The following MID1 variants were observed in gnomAD, a reference collection of about 807,000 sequenced individuals.
The protein encoded by MID1 is E3 ubiquitin-protein ligase Midline-1.
Under a neutral mutation model 40.4 loss-of-function variants are expected in MID1, and 7 were observed. The observed-to-expected ratio is 0.17, with a 90% CI of 0.10 to 0.33. MID1 has a LOEUF of 0.33. Ranked by LOEUF, MID1 falls within the 10% of genes least tolerant of loss-of-function variation. The pLI is 1.00. For synonymous variants in MID1, 229 were observed against 221.2 expected (o/e 1.04, Z -0.31); for missense variants, 367 against 558.5 (o/e 0.66, Z 3.46).
At chrX:10,516,624 G>C (rs1333474002) in intron 3 of MID1, among the ~76,000 whole-genome samples, 1 of 105,117 alleles carries the variant, frequency 9.5e-6, no homozygotes, top group African/African-American at 3.6e-5. Flanking sequence ...GCGCGCACGC[G>C]TGTGTTTTAA....
At chrX:10,632,132 G>A (rs1329615245) in intron 1 of MID1, among the ~76,000 whole-genome samples, 1 of 111,897 alleles carries the variant, frequency 8.9e-6, no homozygotes, top group Non-Finnish European at 1.9e-5. Context: ...TTTAGGGCAT[G>A]TTTTCAGATG....
At chrX:10,472,979 T>G (rs2147284953) in intron 6 of MID1, among the ~76,000 whole-genome samples, 1 of 112,365 alleles carries the variant, frequency 8.9e-6, no homozygotes, top group Non-Finnish European at 1.9e-5. Flanking sequence ...CATTCGCAAA[T>G]GATATAAGAA....
chrX:10,779,587 G>C (rs906102451), intron 1 of MID1, among the ~76,000 whole-genome samples: 1 of 112,225 alleles, frequency 8.9e-6, no homozygotes, highest in African/African-American at 3.2e-5. Context: ...TCAGAGAAGA[G>C]GACATTGGAT....
chrX:10,628,160 T>C (rs1448944328), intron 1 of MID1, among the ~76,000 whole-genome samples: 1 of 109,880 alleles, frequency 9.1e-6, no homozygotes, highest in Non-Finnish European at 1.9e-5. Context: ...TGTCATAAGT[T>C]TTTTTTTTCT....
chrX:10,473,143 G>A (rs1037576683), intron 6 of MID1, among the ~76,000 whole-genome samples: 5 of 112,562 alleles, frequency 4.4e-5, no homozygotes, highest in African/African-American at 1.6e-4. Context: ...AAATTCACTA[G>A]CCACATTTCA....
intron 3 of MID1, among the ~76,000 whole-genome samples, chrX:10,496,427 C>G (rs1488208306): frequency 8.9e-6 from 1 of 112,364 alleles, no homozygotes; most frequent in East Asian, 2.8e-4. Flanking sequence ...TTCTTGGCAA[C>G]TAGGCCTGGG....
intron 1 of MID1, among the ~76,000 whole-genome samples, chrX:10,832,773 C>T (rs1215787225): frequency 8.9e-6 from 1 of 112,235 alleles, no homozygotes; most frequent in Non-Finnish European, 1.9e-5. Context: ...TTACAATTGG[C>T]TGTTCCCAAG....
intron 1 of MID1, among the ~76,000 whole-genome samples, chrX:10,607,250 G>C (rs1458190530): frequency 9.0e-6 from 1 of 111,688 alleles, no homozygotes; most frequent in Non-Finnish European, 1.9e-5. Flanking sequence ...CCTGAAGCCT[G>C]AGATTCTCCT....
chrX:10,574,652 A>C (rs971716533), intron 1 of MID1, among the ~76,000 whole-genome samples: 1 of 112,459 alleles, frequency 8.9e-6, no homozygotes, highest in African/African-American at 3.2e-5. Flanking sequence ...TTATGTCTGC[A>C]TACTCCATGA....
At chrX:10,577,233 T>C (rs1934894809) in intron 1 of MID1, among the ~76,000 whole-genome samples, 1 of 111,942 alleles carries the variant, frequency 8.9e-6, no homozygotes, top group African/African-American at 3.2e-5. Context: ...GGCAGAAGGC[T>C]GAATGCTAGC....
At chrX:10,641,075 A>T (rs1258002078) in intron 1 of MID1, among the ~76,000 whole-genome samples, 12 of 112,146 alleles carry the variant, frequency 1.1e-4, no homozygotes, top group African/African-American at 3.9e-4. Context: ...AAGATCTAAA[A>T]TTGACACCCC....
chrX:10,455,061 C>T lies in MID1; in HGVS notation c.1464G>A (p.Leu488=). 1 of 1,209,111 alleles carries T rather than the reference C, an allele frequency of 8.3e-7. No individual in the cohort carries two copies. The highest frequency in any genetic ancestry group is 1.1e-6 in the Non-Finnish European group (1 of 893,314). The change falls in exon 9 of 10, where the codon CTG becomes CTA. Residue 488 remains leucine (L), a synonymous_variant. Transcript: ENST00000317552. ...KLKTNSQPFK[L]DPKSAHRKLK... The stretch of plus-strand genomic sequence containing the variant: ...GTTTTCGATGAGCAGATTTGGGATC[C>T]AGTTTAAATGGTTGGCCTGAAAACA...
At chrX:10,491,488 A>G (rs770090196) in intron 4 of MID1, among the ~76,000 whole-genome samples, 1 of 110,729 alleles carries the variant, frequency 9.0e-6, no homozygotes, top group South Asian at 3.9e-4. Context: ...GACTCAAGCA[A>G]TCCTCCTGCC....
intron 1 of MID1, among the ~76,000 whole-genome samples, chrX:10,652,029 T>C (rs1421804658): frequency 1.8e-5 from 2 of 112,374 alleles, no homozygotes; most frequent in Non-Finnish European, 3.8e-5. Context: ...AATTTATTAC[T>C]ACAAATTACC....
intron 7 of MID1, among the ~76,000 whole-genome samples, chrX:10,461,424 C>CATATGATGCAGGAAAACATCCACAAATAG (rs1929035534): frequency 9.0e-6 from 1 of 111,154 alleles, no homozygotes; most frequent in South Asian, 3.8e-4. Context: ...TTCTCATTTG[C>CATATGATGCAGGAAAACATCCACAAATAG]ATATGATGCA....
At chrX:10,673,390 C>T (rs560747416) in intron 1 of MID1, among the ~76,000 whole-genome samples, 23 of 112,111 alleles carry the variant, frequency 2.1e-4, no homozygotes, top group African/African-American at 7.4e-4. Context: ...GAAACCAGGG[C>T]AGGCATGGCC....
rs1033237113 is a variant in MID1, at chrX:10,449,562, C to T, written c.1810G>A (p.Val604Met). Residue 604 changes from valine (V) to methionine (M), a missense_variant, in exon 10 of 10, where the codon GTG becomes ATG. This residue lies in a region of MID1 where 275 missense variants were observed against 383.1 expected (regional missense o/e 0.72). Coordinates refer to ENST00000317552, the MANE Select transcript of MID1 (RefSeq NM_000381.4). ...PIEPAPHLRR[V>M]GILLDYDNGS... is the part of the protein sequence containing the mutation. ...TTATCATAGTCCAGCAGGATGCCCA[C>T]GCGCCGGAGGTGGGGGGCAGGCTCA... The T allele has an allele frequency of 7.4e-6, 9 of 1,211,703 alleles. No individual in the cohort carries two copies. Among genetic ancestry groups the T allele is most frequent in the East Asian group, 5.9e-5 (2 of 33,819 alleles).
At chrX:10,789,952 C>T (rs989854905) in intron 1 of MID1, among the ~76,000 whole-genome samples, 1 of 110,849 alleles carries the variant, frequency 9.0e-6, no homozygotes, top group Non-Finnish European at 1.9e-5. Flanking sequence ...GCATCGATGA[C>T]CTGGACCCTG....
intron 3 of MID1, among the ~76,000 whole-genome samples, chrX:10,521,477 A>T (rs952624371): frequency 1.8e-5 from 2 of 111,556 alleles, no homozygotes; most frequent in Non-Finnish European, 3.8e-5. Flanking sequence ...GACATGGGTT[A>T]GAGGAATGGG....
Sources: gnomAD v4.1 joint callset for allele counts (sites outside exome capture counted in the v4.1 genomes callset) on GRCh38, gnomAD v4.1.1 for gene constraint, gnomAD v4.1.1 regional missense constraint, MANE v1.5 for transcripts, NCBI Gene and HGNC (gene_info 2026-07-23, HGNC 2026-07-21) for gene names.